CSMD1: variants seen among roughly 807,000 people sequenced by gnomAD.
The protein encoded by CSMD1 is CUB and Sushi multiple domains 1, also known as CUB and sushi domain-containing protein 1.
A neutral mutation model predicts 417.5 loss-of-function variants in CSMD1; 213 were observed. That is an observed-to-expected ratio of 0.51 (90% CI 0.46 to 0.57). CSMD1 has a LOEUF of 0.57. CSMD1 is among the 20% of genes least tolerant of loss of function. CSMD1 has a pLI of 0.00. For synonymous variants in CSMD1, 2,862 were observed against 1,736.8 expected, an observed-to-expected ratio of 1.65 and a Z score of -16.11; for missense variants, 6,923 against 4,529.7, an observed-to-expected ratio of 1.53 and a Z score of -15.17.
chr8:3,151,331 C>T, intron 40 of CSMD1, 66 bp downstream of exon 40: 1 of 1,016,862 alleles, frequency 9.8e-7, no homozygotes, highest in Non-Finnish European at 1.5e-6. Flanking sequence ...TTTTATTCTG[C>T]TTAATTCTTT....
At chr8:3,183,817 A>G (rs1821585876) in intron 36 of CSMD1, among the ~76,000 whole-genome samples, 1 of 152,202 alleles carries the variant, frequency 6.6e-6, no homozygotes, top group Non-Finnish European at 1.5e-5. Flanking sequence ...TGCATTCTAA[A>G]TATTTTCCCA....
chr8:4,195,955 T>C (rs1469005704), intron 3 of CSMD1, among the ~76,000 whole-genome samples: 3 of 151,932 alleles, frequency 2.0e-5, no homozygotes, highest in Non-Finnish European at 4.4e-5. Context: ...CTCACGCCTG[T>C]AATCCCAACA....
intron 2 of CSMD1, among the ~76,000 whole-genome samples, chr8:4,503,518 C>G (rs1802366093): frequency 6.6e-6 from 1 of 152,098 alleles, no homozygotes; most frequent in South Asian, 2.1e-4. Context: ...GCACTCACAC[C>G]TGAGACACCG....
At chr8:3,525,088 C>G (rs1797699908) in intron 10 of CSMD1, among the ~76,000 whole-genome samples, 1 of 152,170 alleles carries the variant, frequency 6.6e-6, no homozygotes, top group Non-Finnish European at 1.5e-5. Flanking sequence ...AAGTGAATCT[C>G]TTATTTTTCA....
chr8:4,063,437 A>G (rs1467043714), intron 3 of CSMD1, among the ~76,000 whole-genome samples: 1 of 152,204 alleles, frequency 6.6e-6, no homozygotes, highest in Non-Finnish European at 1.5e-5. Context: ...AAATGAATAC[A>G]ATGTCCTTAG....
intron 33 of CSMD1, among the ~76,000 whole-genome samples, chr8:3,197,924 G>C (rs191857131): frequency 2.0e-5 from 3 of 152,184 alleles, no homozygotes; most frequent in East Asian, 1.9e-4. Context: ...TTGACAAAAA[G>C]ACATCAATTT....
chr8:4,563,704 A>G (rs1585254790), intron 2 of CSMD1, among the ~76,000 whole-genome samples: 2 of 152,194 alleles, frequency 1.3e-5, no homozygotes, highest in Non-Finnish European at 2.9e-5. Flanking sequence ...TCCTTCTTTA[A>G]TATGCAAATT....
intron 3 of CSMD1, among the ~76,000 whole-genome samples, chr8:4,338,404 G>C (rs1452465184): frequency 2.0e-5 from 3 of 152,074 alleles, no homozygotes; most frequent in Non-Finnish European, 2.9e-5. Context: ...GTACATACTA[G>C]TGTGGATGAA....
chr8:4,167,758 G>A (rs116360737), intron 3 of CSMD1, among the ~76,000 whole-genome samples: 1,659 of 152,292 alleles, frequency 0.011, 26 homozygotes, highest in African/African-American at 0.037. Flanking sequence ...TAGAGACCAA[G>A]GCAGGAGGAT....
chr8:3,019,242 T>C (rs1809143980), intron 51 of CSMD1, among the ~76,000 whole-genome samples: 1 of 151,840 alleles, frequency 6.6e-6, no homozygotes, highest in East Asian at 1.9e-4. Flanking sequence ...TTTATTACCA[T>C]CCTGACAGGT....
intron 40 of CSMD1, among the ~76,000 whole-genome samples, chr8:3,149,713 C>T (rs375604972): frequency 7.2e-5 from 11 of 152,212 alleles, no homozygotes; most frequent in South Asian, 6.2e-4. Flanking sequence ...CCTGACCTTG[C>T]GATCCACCGG....
At chr8:3,348,406 C>T (rs759132996) in intron 21 of CSMD1, among the ~76,000 whole-genome samples, 2 of 152,130 alleles carry the variant, frequency 1.3e-5, no homozygotes. Flanking sequence ...TATGTGGAAG[C>T]AGCATGCTAT....
chr8:4,947,883 C>T (rs553970208), intron 1 of CSMD1, among the ~76,000 whole-genome samples: 1 of 152,006 alleles, frequency 6.6e-6, no homozygotes, highest in East Asian at 1.9e-4. Context: ...GAACATATTG[C>T]AAGGTGTGCG....
rs189426522 is a variant in CSMD1, at chr8:4,436,476, A to T, written c.303-16411T>A. Among the ~76,000 whole-genome samples the T allele has an allele frequency of 1.2e-4, 19 of 152,260 alleles. 1 individual carries two copies. Among genetic ancestry groups the T allele is most frequent in the African/African-American group, 3.6e-4 (15 of 41,550 alleles). On this transcript the variant is annotated intron_variant, in intron 2 of 69. Coordinates refer to ENST00000635120, the MANE Select transcript of CSMD1 (RefSeq NM_033225.6). Reference sequence around the variant, plus strand: ...TTGATTCAGAAATGCAATGCATAATAATCACCTCAGGTTGAGGGGTATCTC... The same window carrying T: ...TTGATTCAGAAATGCAATGCATAATTATCACCTCAGGTTGAGGGGTATCTC...
chr8:4,376,936 G>A (rs910830342), intron 3 of CSMD1, among the ~76,000 whole-genome samples: 4 of 152,256 alleles, frequency 2.6e-5, no homozygotes, highest in South Asian at 2.1e-4. Context: ...TGGAACGGGG[G>A]TAATGTTCAC....
At chr8:3,267,561 C>G (rs564479776) in intron 26 of CSMD1, among the ~76,000 whole-genome samples, 25 of 152,164 alleles carry the variant, frequency 1.6e-4, no homozygotes, top group African/African-American at 6.0e-4. Flanking sequence ...GCTTCCAGCA[C>G]AAGGGAATGT....
intron 1 of CSMD1, among the ~76,000 whole-genome samples, chr8:4,893,126 G>A (rs756047620): frequency 2.6e-5 from 4 of 152,084 alleles, no homozygotes; most frequent in African/African-American, 4.8e-5. Flanking sequence ...TTGTCAGTGT[G>A]ACAGGTAAAC....
At chr8:4,016,309 G>A (rs1360564336) in intron 4 of CSMD1, among the ~76,000 whole-genome samples, 1 of 152,062 alleles carries the variant, frequency 6.6e-6, no homozygotes, top group East Asian at 1.9e-4. Flanking sequence ...GAAAATAAAT[G>A]GGGAATAATT....
chr8:4,508,089 C>CAAA (rs3991007), intron 2 of CSMD1, among the ~76,000 whole-genome samples: 48 of 125,908 alleles, frequency 3.8e-4, no homozygotes, highest in African/African-American at 6.1e-4. Flanking sequence ...AAAAAAATAC[C>CAAA]AAAAAAAAAA....
Sources: allele counts gnomAD v4.1 joint callset (sites outside exome capture counted in the v4.1 genomes callset), GRCh38; gene constraint gnomAD v4.1.1; transcripts MANE v1.5; gene names NCBI Gene and HGNC (gene_info 2026-07-23, HGNC 2026-07-21).